The following ABCA10 variants were observed in gnomAD, a reference collection of about 807,000 sequenced individuals.
The protein encoded by ABCA10 is ATP-binding cassette sub-family A member 10.
ABCA10 carries 169 observed loss-of-function variants against 187.5 expected under a neutral mutation model. The ratio of observed to expected loss-of-function variants is 0.90; its 90% CI spans 0.80 to 1.02. The LOEUF (loss-of-function observed/expected upper bound fraction) is 1.02, where lower values mean the gene tolerates loss of function less well. ABCA10 is among the 50% of genes least tolerant of loss of function. The probability of loss-of-function intolerance (pLI) is 0.00; values close to 1 mark genes in which losing one functional copy is unlikely to be tolerated. For missense variants in ABCA10, 1,727 were observed against 1,812.4 expected, an observed-to-expected ratio of 0.95 and a Z score of 0.86; for synonymous variants, 574 against 601.8, an observed-to-expected ratio of 0.95 and a Z score of 0.68.
chr17:69,192,239 G>A (rs1385474385), intron 16 of ABCA10, among the ~76,000 whole-genome samples: 2 of 152,130 alleles, frequency 1.3e-5, no homozygotes, highest in Non-Finnish European at 2.9e-5. Context: ...CAGGAGAATC[G>A]CTTTAACCAG....
In ABCA10 at chr17:69,190,460, C is replaced by G; in HGVS notation, c.2029G>C (p.Asp677His). 1 of 1,577,070 alleles carries G rather than the reference C, an allele frequency of 6.3e-7. No homozygotes were observed. Among genetic ancestry groups the G allele is most frequent in the Non-Finnish European group, 8.6e-7 (1 of 1,169,442 alleles). Residue 677 changes from aspartate to histidine, a missense_variant, in exon 18 of 39, where the codon GAT (aspartate) becomes CAT (histidine). Coordinates refer to ENST00000690296, the MANE Select transcript of ABCA10 (RefSeq NM_001377321.1). ...NKFPDLYSDLDKCSDQGIRNY... is the reference protein window; with the variant it reads ...NKFPDLYSDLHKCSDQGIRNY... ...CTTATGCCCTGGTCAGAACACTTAT[C>G]AAGGTCACTGTAAAGATCTAAAAAG...
intron 20 of ABCA10, among the ~76,000 whole-genome samples, chr17:69,184,965 T>C (rs1003693913): frequency 1.3e-5 from 2 of 149,756 alleles, no homozygotes; most frequent in African/African-American, 4.9e-5. Flanking sequence ...ATACTACTAA[T>C]CCATAAAACG....
intron 22 of ABCA10, among the ~76,000 whole-genome samples, chr17:69,176,835 G>T (rs928778512): frequency 3.3e-5 from 5 of 152,134 alleles, no homozygotes; most frequent in Admixed American, 2.0e-4. Flanking sequence ...TTGACCAAGG[G>T]TAACTGAAAC....
At position 69,215,814 on chromosome 17, in the gene ABCA10, C is replaced by T; in HGVS notation, c.858+1G>A. 6.4e-7 allele frequency: 1 copy of T among 1,562,054 alleles called. No individual in the cohort carries two copies. The highest frequency in any genetic ancestry group is 2.3e-5 in the East Asian group (1 of 43,336). On this transcript the variant is annotated splice_donor_variant, in intron 8 of 38. Transcript: ENST00000690296. LOFTEE classifies it high-confidence loss of function. Reference sequence around the variant, plus strand: ...AAATCTTGAAATAATTATGTTCTTACCTGGGCCATTCCAGCAGTGAAGGCA... The same window carrying T: ...AAATCTTGAAATAATTATGTTCTTATCTGGGCCATTCCAGCAGTGAAGGCA...
At chr17:69,220,723 C>T (rs192213854) in intron 5 of ABCA10, among the ~76,000 whole-genome samples, 2 of 152,198 alleles carry the variant, frequency 1.3e-5, no homozygotes, top group African/African-American at 2.4e-5. Flanking sequence ...CTAGAGCAGA[C>T]GTCTAGCTCT....
At position 69,197,196 on chromosome 17, in the gene ABCA10, AAGC is replaced by A. The variant is rs2074512486; in HGVS notation, c.1176-77_1176-75del. ...ATAACACAGATTACAGTTCATAACT[AAGC>A]CTGAACTTCACAGTAAAGGGTATCA... is the stretch of plus-strand genomic sequence containing the variant. On this transcript the variant is annotated intron_variant, in intron 10 of 38. Transcript: ENST00000690296. The A allele has an allele frequency of 5.0e-6, 6 of 1,198,740 alleles. No homozygotes were observed. In the Admixed American group the frequency reaches 9.5e-5, roughly 19 times the overall value. The allele number at this position is 1,198,740 out of a possible 1,614,324, so 74.3% of individuals were successfully genotyped here. A position where few individuals can be genotyped will look rare whatever the true frequency, so the allele number is the denominator to read the frequency against.
chr17:69,178,239 A>T (rs2074352264), intron 22 of ABCA10, among the ~76,000 whole-genome samples: 1 of 151,904 alleles, frequency 6.6e-6, no homozygotes, highest in Admixed American at 6.6e-5. Flanking sequence ...TAATTTTAAA[A>T]TAGTGGGAAA....
chr17:69,184,704 C>CATCT (rs1281751506), intron 20 of ABCA10, among the ~76,000 whole-genome samples: 2 of 151,978 alleles, frequency 1.3e-5, no homozygotes, highest in African/African-American at 4.8e-5. Flanking sequence ...CACTCCTGGG[C>CATCT]ATCTACTCAG....
intron 3 of ABCA10, among the ~76,000 whole-genome samples, chr17:69,224,367 C>A (rs1021477684): frequency 7.9e-5 from 12 of 151,948 alleles, no homozygotes; most frequent in Admixed American, 2.6e-4. Flanking sequence ...TGTTCAGAAC[C>A]CTGGCAGAAT....
intron 9 of ABCA10, among the ~76,000 whole-genome samples, chr17:69,211,316 T>G (rs1364879649): frequency 3.3e-3 from 7 of 2,106 alleles, no homozygotes; most frequent in East Asian, 0.026. Flanking sequence ...ATATATATGA[T>G]ATATATATAT....
rs142514169 is a variant in ABCA10, at chr17:69,175,312, A to T, written c.2877+94T>A. 8.9e-5 allele frequency: 94 copies of T among 1,056,382 alleles called. No individual in the cohort carries two copies. In the African/African-American group the frequency reaches 1.4e-3, roughly 16 times the overall value. 65.4% of individuals were successfully genotyped at this position (1,056,382 alleles called of 1,614,324 possible). ...TAATGTATGTGTAAAAACATTAACC[A>T]AAGTACAACTGTGTGTGTATAAAAC... is the stretch of plus-strand genomic sequence containing the variant. On this transcript the variant is annotated intron_variant, in intron 23 of 38. Transcript: ENST00000690296.
chr17:69,173,519 G>C (rs2074312059), intron 25 of ABCA10, among the ~76,000 whole-genome samples: 3 of 152,122 alleles, frequency 2.0e-5, no homozygotes, highest in Non-Finnish European at 1.5e-5. Flanking sequence ...AAAAAAGAGA[G>C]AGTCAAAGTG....
At position 69,190,376 on chromosome 17, in the gene ABCA10, A is replaced by G. The variant is rs772193782; in HGVS notation, c.2113T>C (p.Ser705Pro). 3 of 1,556,332 alleles carry G rather than the reference A, an allele frequency of 1.9e-6. No homozygotes were observed. Among genetic ancestry groups the G allele is most frequent in the South Asian group, 1.2e-5 (1 of 80,416 alleles). The change falls in exon 18 of 39, where the codon TCA becomes CCA. Residue 705 changes from serine (S) to proline (P), a missense_variant. Coordinates refer to ENST00000690296, the MANE Select transcript of ABCA10 (RefSeq NM_001377321.1). ...TTTATACCTGGTTCATCAATTGCTG[A>G]TTTTCCTTCTAGGTTCAAGAATACT... Reference protein sequence around the residue: ...NEVFLNLEGKSAIDEPDFDIG... With the variant: ...NEVFLNLEGKPAIDEPDFDIG...
At chr17:69,181,999 A>T (rs926953520) in intron 22 of ABCA10, among the ~76,000 whole-genome samples, 154 bp downstream of exon 22, 2 of 152,108 alleles carry the variant, frequency 1.3e-5, no homozygotes. Context: ...TACGCTCCCT[A>T]CTTTGCAGAT....
intron 2 of ABCA10, 38 bp from the exon 3 acceptor site, chr17:69,225,567 G>A (rs1023106875): frequency 1.2e-5 from 6 of 519,398 alleles, no homozygotes; most frequent in Admixed American, 1.1e-4. Context: ...ATGTTATAAC[G>A]TGGTCCAGAC....
At chr17:69,177,599 T>C (rs2074343534) in intron 22 of ABCA10, among the ~76,000 whole-genome samples, 1 of 152,114 alleles carries the variant, frequency 6.6e-6, no homozygotes, top group African/African-American at 2.4e-5. Flanking sequence ...TTCCTTAGTA[T>C]ATTTCTATTT....
At chr17:69,198,650 CT>C (rs2074522782) in intron 10 of ABCA10, among the ~76,000 whole-genome samples, 1 of 152,192 alleles carries the variant, frequency 6.6e-6, no homozygotes, top group South Asian at 2.1e-4. Context: ...TATTTCCTGA[CT>C]TTCTGGTTGT....
At chr17:69,222,135 A>G (rs1203237294) in intron 4 of ABCA10, among the ~76,000 whole-genome samples, 1 of 152,038 alleles carries the variant, frequency 6.6e-6, no homozygotes, top group Non-Finnish European at 1.5e-5. Context: ...CGGGTGGATC[A>G]TTTGAGGTCA....
In ABCA10 at chr17:69,175,504, C is replaced by A; in HGVS notation, c.2779G>T (p.Val927Leu). 6.2e-7 allele frequency: 1 copy of A among 1,606,490 alleles called. No homozygotes were observed. Among genetic ancestry groups the A allele is most frequent in the Non-Finnish European group, 8.5e-7 (1 of 1,176,116 alleles). Residue 927 changes from valine (V) to leucine (L), a missense_variant, in exon 23 of 39, where the codon GTG becomes TTG. By Grantham distance (32) the Val-to-Leu change is conservative. Transcript: ENST00000690296. ...ESTSFSRDDI[V>L]LDLGFIDGSI... The stretch of plus-strand genomic sequence containing the variant: ...CCATCTATAAAACCAAGATCCAGCA[C>A]TATGTCATCCTGAAAGATGAAAACA...
Sources: allele counts gnomAD v4.1 joint callset (sites outside exome capture counted in the v4.1 genomes callset), GRCh38; gene constraint gnomAD v4.1.1; transcripts MANE v1.5; gene names NCBI Gene and HGNC (gene_info 2026-07-23, HGNC 2026-07-21).